The following SEC61A1 variants were observed in gnomAD, a reference collection of about 807,000 sequenced individuals.
SEC61A1 encodes SEC61 translocon subunit alpha 1, also known as protein transport protein Sec61 subunit alpha isoform 1.
A neutral mutation model predicts 55.2 loss-of-function variants in SEC61A1; 15 were observed. The observed-to-expected ratio is 0.27, with a 90% CI of 0.18 to 0.42. The LOEUF is 0.42. Among genes scored for constraint, SEC61A1 ranks in the 10% least tolerant of loss-of-function variants. The probability of loss-of-function intolerance (pLI) is 1.00; values close to 1 mark genes in which losing one functional copy is unlikely to be tolerated. For synonymous variants in SEC61A1, 247 were observed against 234.0 expected, an observed-to-expected ratio of 1.06 and a Z score of -0.51; for missense variants, 284 against 602.6, an observed-to-expected ratio of 0.47 and a Z score of 5.53.
At chr3:128,058,628 A>G (rs565590838) in intron 5 of SEC61A1, among the ~76,000 whole-genome samples, 2 of 152,326 alleles carry the variant, frequency 1.3e-5, no homozygotes, top group African/African-American at 2.4e-5. Context: ...TGGGAGGCCA[A>G]GGCAGGATGA....
Position 128,055,770 on chromosome 3 carries a change from C to T in SEC61A1, c.220+19C>T. On this transcript the variant is annotated intron_variant, in intron 4 of 11. Transcript: ENST00000243253. ...AACAGAGGTAGGACTCTGGCTCTGT[C>T]TTTTCTCTGTAGAGTGTAGGCTTAC... The T allele has an allele frequency of 1.9e-6, 3 of 1,590,902 alleles. No homozygotes were observed. The highest frequency in any genetic ancestry group is 1.7e-6 in the Non-Finnish European group (2 of 1,158,762).
chr3:128,070,429 C>G lies in SEC61A1; in HGVS notation c.*767C>G, dbSNP rs1026720355. On this transcript the variant is annotated 3_prime_UTR_variant, in exon 12 of 12. Transcript: ENST00000243253. ...GCCTGGCCAAGCTAGGTGGACAGAC[C>G]CTTGCAGTGATGTCCGTTTGTCCAG... The G allele has an allele frequency of 6.6e-6, 1 of 152,214 alleles. No individual in the cohort carries two copies. Among genetic ancestry groups the G allele is most frequent in the East Asian group, 1.9e-4 (1 of 5,194 alleles). 9.4% of individuals were successfully genotyped at this position (152,214 alleles called of 1,614,324 possible).
chr3:128,057,717 A>G lies in SEC61A1; in HGVS notation c.352+877A>G, dbSNP rs551027746. 2.5e-3 allele frequency among the ~76,000 whole-genome samples: 57 copies of G among 22,382 alleles called. No homozygotes were observed. The Middle Eastern group carries it at 0.047, about 18-fold the overall frequency. The allele number at this position is 22,382 out of a possible 152,430, so 14.7% of individuals were successfully genotyped here. A position where few individuals can be genotyped will look rare whatever the true frequency, so the allele number is the denominator to read the frequency against. Reference sequence around the variant, plus strand: ...TACTAAAAAAATACAAAAATTAGCCAGGCGTGGTGACAAGGTGCCTTAATC... The same window carrying G: ...TACTAAAAAAATACAAAAATTAGCCGGGCGTGGTGACAAGGTGCCTTAATC... On this transcript the variant is annotated intron_variant, in intron 5 of 11. Transcript: ENST00000243253.
chr3:128,069,291 T>C (rs1576427598), intron 11 of SEC61A1, among the ~76,000 whole-genome samples, 185 bp from the exon 12 acceptor site: 1 of 152,346 alleles, frequency 6.6e-6, no homozygotes, highest in East Asian at 1.9e-4. Context: ...GTGTGGCCAG[T>C]GTGGCCACTG....
chr3:128,059,346 G>C (rs1321082905), intron 5 of SEC61A1, among the ~76,000 whole-genome samples: 2 of 152,040 alleles, frequency 1.3e-5, no homozygotes, highest in Non-Finnish European at 2.9e-5. Context: ...GGTGGCACGT[G>C]CCTGTAATCC....
Position 128,057,138 on chromosome 3 carries a change from AG to A in SEC61A1, c.352+300del, listed in dbSNP as rs1230271533. ...TAGTGGAGACGGGATTTCACTACATAGGCCATGCTGGTCTTGAACTCCTGAT... is the reference window on the plus strand; with the variant it reads ...TAGTGGAGACGGGATTTCACTACATAGCCATGCTGGTCTTGAACTCCTGAT... On this transcript the variant is annotated intron_variant, in intron 5 of 11. Transcript: ENST00000243253. Among the ~76,000 whole-genome samples the A allele has an allele frequency of 2.0e-5, 3 of 152,254 alleles. No homozygotes were observed. The East Asian group carries it at 5.8e-4, about 29-fold the overall frequency.
At chr3:128,068,196 T>TTA in intron 11 of SEC61A1, 137 bp downstream of exon 11, 2 of 649,480 alleles carry the variant, frequency 3.1e-6, no homozygotes, top group Admixed American at 2.8e-5. Context: ...GAATTAAATG[T>TTA]TATATATTTA....
rs1942150627 is a variant in SEC61A1, at chr3:128,071,011, A to G, written c.*1349A>G. ...TTTTGCAGGATGCCCTGATCCTAAG[A>G]AGGGGGCCTGGGGGTGCGTGCAGCC... On this transcript the variant is annotated 3_prime_UTR_variant, in exon 12 of 12. Transcript: ENST00000243253. The G allele has an allele frequency of 6.6e-6, 1 of 152,342 alleles. No homozygotes were observed. Among genetic ancestry groups the G allele is most frequent in the Non-Finnish European group, 1.5e-5 (1 of 68,140 alleles). 9.4% of individuals were successfully genotyped at this position (152,342 alleles called of 1,614,324 possible). A position where few individuals can be genotyped will look rare whatever the true frequency, so the allele number is the denominator to read the frequency against.
chr3:128,063,615 G>A (rs904919224), intron 7 of SEC61A1, among the ~76,000 whole-genome samples: 1 of 152,172 alleles, frequency 6.6e-6, no homozygotes, highest in Non-Finnish European at 1.5e-5. Context: ...GATTACAGGC[G>A]TGAGCCACCA....
chr3:128,059,256 G>A (rs182745053), intron 5 of SEC61A1, among the ~76,000 whole-genome samples: 12 of 152,174 alleles, frequency 7.9e-5, no homozygotes, highest in Admixed American at 7.2e-4. Context: ...GGTGGATCAC[G>A]AGGTCAGGAG....
intron 8 of SEC61A1, 68 bp downstream of exon 8, chr3:128,065,105 A>G: frequency 6.7e-7 from 1 of 1,494,216 alleles, no homozygotes; most frequent in East Asian, 2.3e-5. Flanking sequence ...CCTTGTGTGC[A>G]GTCCCCCACT....
In SEC61A1 at chr3:128,070,263, A is replaced by C. The variant is rs1446077870; in HGVS notation, c.*601A>C. On this transcript the variant is annotated 3_prime_UTR_variant, in exon 12 of 12. Coordinates refer to ENST00000243253, the MANE Select transcript of SEC61A1 (RefSeq NM_013336.4). ...TCCAAAAGAGAGGGATGGCTTTCCC[A>C]GAAGACACTCCTGGCCATCTGTGGA... The C allele has an allele frequency of 6.6e-6, 1 of 152,292 alleles. No homozygotes were observed. Among genetic ancestry groups the C allele is most frequent in the Non-Finnish European group, 1.5e-5 (1 of 68,098 alleles). The allele number at this position is 152,292 out of a possible 1,614,324, so 9.4% of individuals were successfully genotyped here.
chr3:128,066,794 GT>G, intron 8 of SEC61A1, 159 bp from the exon 9 acceptor site: 1 of 648,448 alleles, frequency 1.5e-6, no homozygotes. Flanking sequence ...GCAGTGGTGG[GT>G]AAGGAGTGGG....
chr3:128,070,850 ACC>A lies in SEC61A1; in HGVS notation c.*1190_*1191del. 1 of 152,368 alleles carries A rather than the reference ACC, an allele frequency of 6.6e-6. No homozygotes were observed. The highest frequency in any genetic ancestry group is 1.5e-5 in the Non-Finnish European group (1 of 68,114). 9.4% of individuals were successfully genotyped at this position (152,368 alleles called of 1,614,324 possible). A position where few individuals can be genotyped will look rare whatever the true frequency, so the allele number is the denominator to read the frequency against. The stretch of plus-strand genomic sequence containing the variant: ...GGTGGCCTAGGTCCTGGAGATGAGC[ACC>A]CTCTCTCTGGCCTTTAGGGAGTCCC... On this transcript the variant is annotated 3_prime_UTR_variant, in exon 12 of 12. Coordinates refer to ENST00000243253, the MANE Select transcript of SEC61A1 (RefSeq NM_013336.4).
chr3:128,051,659 T>C, upstream of SEC61A1: 1 of 1,415,436 alleles, frequency 7.1e-7, no homozygotes. Flanking sequence ...CGCCATGCTT[T>C]GCCCACAACA....
chr3:128,054,592 C>G (rs1294182696), intron 2 of SEC61A1, among the ~76,000 whole-genome samples: 1 of 151,078 alleles, frequency 6.6e-6, no homozygotes, highest in Non-Finnish European at 1.5e-5. Flanking sequence ...GCCAGAGGGC[C>G]AGGAATGCTG....
intron 4 of SEC61A1, 73 bp from the exon 5 acceptor site, chr3:128,056,636 C>T (rs987789289): frequency 1.5e-5 from 20 of 1,339,582 alleles, no homozygotes; most frequent in Middle Eastern, 4.2e-4. Flanking sequence ...TCAAATTTTG[C>T]GTATTCATTT....
intron 5 of SEC61A1, among the ~76,000 whole-genome samples, chr3:128,057,941 A>G (rs1230866725): frequency 6.6e-6 from 1 of 152,128 alleles, no homozygotes; most frequent in Non-Finnish European, 1.5e-5. Flanking sequence ...ATCTGGGGAA[A>G]AGTTAGATGA....
chr3:128,069,836 T>C lies in SEC61A1; in HGVS notation c.*174T>C. On this transcript the variant is annotated 3_prime_UTR_variant, in exon 12 of 12. Transcript: ENST00000243253. The stretch of plus-strand genomic sequence containing the variant: ...ATTTTCCAATTTAAAATTTTGCTTT[T>C]TATCCTGGCACTGGCAAAAAGAACT... 1 of 637,780 alleles carries C rather than the reference T, an allele frequency of 1.6e-6. No individual in the cohort carries two copies. The highest frequency in any genetic ancestry group is 2.6e-6 in the Non-Finnish European group (1 of 379,310). 39.5% of individuals were successfully genotyped at this position (637,780 alleles called of 1,614,324 possible).
Sources: allele counts gnomAD v4.1 joint callset (sites outside exome capture counted in the v4.1 genomes callset), GRCh38; gene constraint gnomAD v4.1.1; transcripts MANE v1.5; gene names NCBI Gene and HGNC (gene_info 2026-07-23, HGNC 2026-07-21).